The following RIT1 variants were observed in gnomAD, a reference collection of about 807,000 sequenced individuals.
The protein encoded by RIT1 is GTP-binding protein Rit1.
A neutral mutation model predicts 25.6 loss-of-function variants in RIT1; 6 were observed. The ratio of observed to expected loss-of-function variants is 0.23; its 90% CI spans 0.13 to 0.46. RIT1 has a LOEUF of 0.46. Among genes scored for constraint, RIT1 ranks in the 20% least tolerant of loss-of-function variants. RIT1 has a pLI of 0.99. For synonymous variants in RIT1, 81 were observed against 94.1 expected (o/e 0.86, Z 0.80); for missense variants, 219 against 284.4 (o/e 0.77, Z 1.65).
chr1:155,904,709 A>T (rs999921264), intron 4 of RIT1, 22 bp downstream of exon 4: 9 of 1,575,678 alleles, frequency 5.7e-6, no homozygotes, highest in Non-Finnish European at 7.0e-6. Flanking sequence ...GCCTTTACTC[A>T]TAACATTCTG....
At chr1:155,904,563 A>G in intron 4 of RIT1, 61 bp from the exon 5 acceptor site, 2 of 1,462,602 alleles carry the variant, frequency 1.4e-6, no homozygotes, top group Admixed American at 3.6e-5. Context: ...ACACACAATT[A>G]GCTATTTCTT....
In RIT1 at chr1:155,910,673, C is replaced by G; in HGVS notation, c.89G>C (p.Gly30Ala). 6.2e-7 allele frequency: 1 copy of G among 1,614,218 alleles called. No homozygotes were observed. Among genetic ancestry groups the G allele is most frequent in the Non-Finnish European group, 8.5e-7 (1 of 1,180,016 alleles). Reference sequence around the variant, plus strand: ...TTACCTACCACTCTTCCCTACACCACCAGCACCCAGCATCACTAGTTTGTA... The same window carrying G: ...TTACCTACCACTCTTCCCTACACCAGCAGCACCCAGCATCACTAGTTTGTA... ...REYKLVMLGA[G>A]GVGKSAMTMQ... Residue 30 changes from glycine to alanine, a missense_variant, in exon 2 of 6, where the codon GGT (glycine) becomes GCT (alanine). Coordinates refer to ENST00000368323, the MANE Select transcript of RIT1 (RefSeq NM_006912.6).
At chr1:155,904,280 T>G in intron 5 of RIT1, 31 bp downstream of exon 5, 1 of 1,474,430 alleles carries the variant, frequency 6.8e-7, no homozygotes, top group Non-Finnish European at 9.5e-7. Flanking sequence ...TTGTATAAGA[T>G]TATAGACAGT....
At chr1:155,910,982 C>T (rs1673586021) in intron 1 of RIT1, 178 bp from the exon 2 acceptor site, 1 of 1,393,932 alleles carries the variant, frequency 7.2e-7, no homozygotes, top group Non-Finnish European at 9.9e-7. Context: ...TCTTCACCCT[C>T]CCTCCTAGAC....
chr1:155,900,122 CATTA>C lies in RIT1; in HGVS notation c.*262_*265del. 2.3e-6 allele frequency: 1 copy of C among 431,714 alleles called. No homozygotes were observed. The highest frequency in any genetic ancestry group is 4.1e-6 in the Non-Finnish European group (1 of 241,038). The allele number at this position is 431,714 out of a possible 1,614,324, so 26.7% of individuals were successfully genotyped here. On this transcript the variant is annotated 3_prime_UTR_variant, in exon 6 of 6. Transcript: ENST00000368323. ...ATTCTCCTGGGTATAAACAAATTTA[CATTA>C]ATTAATAGCGCAACAGAACCCAAAA... is the stretch of plus-strand genomic sequence containing the variant.
At chr1:155,903,452 C>CAAA (rs1192641376) in intron 5 of RIT1, among the ~76,000 whole-genome samples, 626 of 53,370 alleles carry the variant, frequency 0.012, 22 homozygotes, top group Middle Eastern at 0.061. Context: ...GACTCTGTCT[C>CAAA]AAAAAAAAAA....
At chr1:155,907,301 G>A (rs1242595798) in intron 3 of RIT1, among the ~76,000 whole-genome samples, 4 of 150,270 alleles carry the variant, frequency 2.7e-5, no homozygotes, top group African/African-American at 4.9e-5. Flanking sequence ...GTGCAGTGGT[G>A]CAATCTCGGC....
At position 155,904,427 on chromosome 1, in the gene RIT1, G is replaced by A; in HGVS notation, c.313C>T (p.Arg105Cys). The A allele has an allele frequency of 3.1e-6, 5 of 1,613,932 alleles. No homozygotes were observed. The highest frequency in any genetic ancestry group is 3.4e-6 in the Non-Finnish European group (4 of 1,179,864). ...GFIICYSITD[R>C]RSFHEVREFK... ...TCACGAACTTCATGGAAACTTCGAC[G>A]ATCCGTGATAGAGTAACAGATGATA... Residue 105 changes from arginine to cysteine, a missense_variant, in exon 5 of 6, where the codon CGT becomes TGT. This residue lies in a region of RIT1 where 131 missense variants were observed against 173.6 expected (regional missense o/e 0.75). Transcript: ENST00000368323.
Position 155,898,658 on chromosome 1 carries a change from CTG to C in RIT1, c.*1728_*1729del, listed in dbSNP as rs1265178465. On this transcript the variant is annotated 3_prime_UTR_variant, in exon 6 of 6. Transcript: ENST00000368323. Reference sequence around the variant, plus strand: ...AAAACATTCTCATAATAGAATTGCACTGTATTTCTTTTCTACTTTGATGCTTT... The same window carrying C: ...AAAACATTCTCATAATAGAATTGCACTATTTCTTTTCTACTTTGATGCTTT... 1.6e-5 allele frequency: 3 copies of C among 186,884 alleles called. No individual in the cohort carries two copies. The highest frequency in any genetic ancestry group is 7.0e-5 in the African/African-American group (3 of 42,618). 11.6% of individuals were successfully genotyped at this position (186,884 alleles called of 1,614,324 possible).
chr1:155,908,088 T>TA (rs572558276), intron 3 of RIT1, among the ~76,000 whole-genome samples: 88 of 122,014 alleles, frequency 7.2e-4, no homozygotes, highest in South Asian at 7.5e-4. Context: ...AGACTCCATC[T>TA]AAAAAAAAAA....
At chr1:155,909,639 G>A (rs941402821) in intron 3 of RIT1, among the ~76,000 whole-genome samples, 3 of 151,900 alleles carry the variant, frequency 2.0e-5, no homozygotes, top group Non-Finnish European at 4.4e-5. Flanking sequence ...AGACATCGGA[G>A]GGCTAGGCAC....
intron 3 of RIT1, among the ~76,000 whole-genome samples, chr1:155,906,212 A>T (rs1399389522): frequency 1.3e-5 from 2 of 152,030 alleles, no homozygotes; most frequent in African/African-American, 4.8e-5. Context: ...TACTATAGTA[A>T]CCTTGGAAAA....
intron 2 of RIT1, 48 bp downstream of exon 2, chr1:155,910,608 T>A: frequency 1.2e-6 from 2 of 1,609,954 alleles, no homozygotes; most frequent in East Asian, 4.5e-5. Flanking sequence ...TCTGGTCATT[T>A]AAGTACTTTT....
intron 5 of RIT1, among the ~76,000 whole-genome samples, chr1:155,902,220 T>A (rs955188848): frequency 6.6e-6 from 1 of 152,160 alleles, no homozygotes; most frequent in Non-Finnish European, 1.5e-5. Flanking sequence ...AGGAGAAACA[T>A]TATTATGCAT....
rs910989145 is a variant in RIT1, at chr1:155,899,981, GAA to G, written c.*405_*406del. The G allele has an allele frequency of 2.1e-4, 51 of 243,854 alleles. No homozygotes were observed. The highest frequency in any genetic ancestry group is 7.4e-4 in the Admixed American group (15 of 20,362). The allele number at this position is 243,854 out of a possible 1,614,324, so 15.1% of individuals were successfully genotyped here. On this transcript the variant is annotated 3_prime_UTR_variant, in exon 6 of 6. Transcript: ENST00000368323. ...GTCTCTAGGAAGCATAGTGTGAATAGAAGAGACTGAGGTCTTTCTCTGGGATA... is the reference window on the plus strand; with the variant it reads ...GTCTCTAGGAAGCATAGTGTGAATAGGAGACTGAGGTCTTTCTCTGGGATA...
chr1:155,908,103 A>AC (rs918460863), intron 3 of RIT1, among the ~76,000 whole-genome samples: 5 of 149,308 alleles, frequency 3.3e-5, no homozygotes, highest in Non-Finnish European at 7.4e-5. Flanking sequence ...AAAAAAAACA[A>AC]AAAAAAAAAT....
chr1:155,904,769 C>T lies in RIT1; in HGVS notation c.199G>A (p.Glu67Lys), dbSNP rs746233241. Reference sequence around the variant, plus strand: ...TCCAAAATGTCCAGATTGGCAGGCTCATCATCAATACGGATCCTGATCTTA... The same window carrying T: ...TCCAAAATGTCCAGATTGGCAGGCTTATCATCAATACGGATCCTGATCTTA... ...AYKIRIRIDD[E>K]PANLDILDTA... is the part of the protein sequence containing the mutation. The change falls in exon 4 of 6, where the codon GAG becomes AAG. Residue 67 changes from glutamate (E) to lysine (K), a missense_variant. By Grantham distance (56) the Glu-to-Lys change is moderately conservative. Around this residue, in one of 3 missense-constraint regions of RIT1, gnomAD observed 131 missense variants for 173.6 expected, o/e 0.75. Coordinates refer to ENST00000368323, the MANE Select transcript of RIT1 (RefSeq NM_006912.6). The T allele has an allele frequency of 6.2e-7, 1 of 1,612,736 alleles. No individual in the cohort carries two copies. The highest frequency in any genetic ancestry group is 8.5e-7 in the Non-Finnish European group (1 of 1,178,792).
At chr1:155,904,083 T>C (rs1673376345) in intron 5 of RIT1, among the ~76,000 whole-genome samples, 1 of 152,176 alleles carries the variant, frequency 6.6e-6, no homozygotes, top group Admixed American at 6.5e-5. Flanking sequence ...TTTGTATTTT[T>C]TGTAGAGATG....
intron 5 of RIT1, among the ~76,000 whole-genome samples, chr1:155,900,933 A>C (rs748815533): frequency 6.6e-6 from 1 of 152,006 alleles, no homozygotes; most frequent in Non-Finnish European, 1.5e-5. Context: ...CTCCTGCCTC[A>C]GCCTCCTGAG....
Sources: allele counts gnomAD v4.1 joint callset (sites outside exome capture counted in the v4.1 genomes callset), GRCh38; gene constraint gnomAD v4.1.1; regional missense constraint gnomAD v4.1.1; transcripts MANE v1.5; gene names NCBI Gene and HGNC (gene_info 2026-07-23, HGNC 2026-07-21).